CSMD1: variants seen among roughly 807,000 people sequenced by gnomAD.
CSMD1 encodes the protein CUB and sushi domain-containing protein 1.
CSMD1 carries 213 observed loss-of-function variants against 417.5 expected under a neutral mutation model. The ratio of observed to expected loss-of-function variants is 0.51; its 90% CI spans 0.46 to 0.57. The LOEUF is 0.57. Ranked by LOEUF, CSMD1 falls within the 20% of genes least tolerant of loss-of-function variation. CSMD1 has a pLI of 0.00. For synonymous variants in CSMD1, 2,862 were observed against 1,736.8 expected (o/e 1.65, Z -16.11); for missense variants, 6,923 against 4,529.7 (o/e 1.53, Z -15.17).
chr8:3,116,017 C>G (rs1221190041), intron 42 of CSMD1, among the ~76,000 whole-genome samples: 1 of 152,220 alleles, frequency 6.6e-6, no homozygotes. Flanking sequence ...GTGTTTACCG[C>G]TGTCTCTGGG....
intron 41 of CSMD1, among the ~76,000 whole-genome samples, chr8:3,139,045 G>A (rs998123644): frequency 2.6e-5 from 4 of 152,150 alleles, no homozygotes; most frequent in Non-Finnish European, 5.9e-5. Context: ...CAGGAACACT[G>A]CACCTCACAC....
At chr8:3,972,253 T>C (rs1813141068) in intron 5 of CSMD1, among the ~76,000 whole-genome samples, 1 of 152,232 alleles carries the variant, frequency 6.6e-6, no homozygotes, top group Non-Finnish European at 1.5e-5. Flanking sequence ...TAAATAGTAT[T>C]GACCTTGTGT....
chr8:3,282,041 G>T (rs1055802295), intron 26 of CSMD1, among the ~76,000 whole-genome samples: 5 of 152,128 alleles, frequency 3.3e-5, no homozygotes, highest in African/African-American at 1.2e-4. Context: ...AGTTTCCTGA[G>T]GCCCTCCCAG....
rs527384126 is a variant in CSMD1 at position 3,282,676 on chromosome 8, T to C, written c.4153+1468A>G. ...AAAATTTTACCATGTACAAGTACTA[T>C]TCCACAGGCACGTGTTTGCAAATCA... On this transcript the variant is annotated intron_variant, in intron 26 of 69. Coordinates refer to ENST00000635120, the MANE Select transcript of CSMD1 (RefSeq NM_033225.6). Among the ~76,000 whole-genome samples, 3 of 152,306 alleles carry C rather than the reference T, an allele frequency of 2.0e-5. No homozygotes were observed. The South Asian group carries it at 6.2e-4, about 32-fold the overall frequency.
intron 2 of CSMD1, among the ~76,000 whole-genome samples, chr8:4,616,984 G>C (rs1256752942): frequency 1.3e-5 from 2 of 151,818 alleles, no homozygotes; most frequent in Admixed American, 6.6e-5. Flanking sequence ...TTACCTAATA[G>C]ATTCCTTAAT....
At chr8:3,172,632 G>A (rs986857855) in intron 37 of CSMD1, among the ~76,000 whole-genome samples, 1 of 152,092 alleles carries the variant, frequency 6.6e-6, no homozygotes, top group African/African-American at 2.4e-5. Flanking sequence ...GTGCACGTAG[G>A]GAACCTACAG....
chr8:3,258,038 G>T (rs192558897), intron 26 of CSMD1, among the ~76,000 whole-genome samples: 2 of 152,162 alleles, frequency 1.3e-5, no homozygotes, highest in Admixed American at 6.6e-5. Flanking sequence ...ATGGGAGATG[G>T]TGTCGAGTAG....
At chr8:4,845,028 C>T (rs1287690953) in intron 1 of CSMD1, among the ~76,000 whole-genome samples, 2 of 151,536 alleles carry the variant, frequency 1.3e-5, no homozygotes, top group Non-Finnish European at 2.9e-5. Flanking sequence ...ATTTTACATG[C>T]ATATTTACAA....
At chr8:4,635,867 C>T (rs955840950) in intron 2 of CSMD1, among the ~76,000 whole-genome samples, 1 of 151,808 alleles carries the variant, frequency 6.6e-6, no homozygotes, top group African/African-American at 2.4e-5. Context: ...TTACCTGTTT[C>T]AGAAAAGAGA....
intron 1 of CSMD1, among the ~76,000 whole-genome samples, chr8:4,951,218 T>G (rs906212386): frequency 3.3e-5 from 5 of 152,146 alleles, no homozygotes; most frequent in Admixed American, 6.6e-5. Flanking sequence ...ATGGTCCACA[T>G]TAATCCACAA....
chr8:4,046,039 T>C (rs951391436), intron 3 of CSMD1, among the ~76,000 whole-genome samples: 16 of 152,274 alleles, frequency 1.1e-4, no homozygotes, highest in South Asian at 6.2e-4. Context: ...TTAGGACTCA[T>C]GCAGATTAGA....
intron 2 of CSMD1, among the ~76,000 whole-genome samples, chr8:4,509,973 C>G (rs898348462): frequency 2.0e-5 from 3 of 152,148 alleles, no homozygotes; most frequent in Middle Eastern, 3.4e-3. Flanking sequence ...TGTCTCCACC[C>G]AAATCTCATG....
At chr8:4,751,669 A>G (rs2117051639) in intron 1 of CSMD1, among the ~76,000 whole-genome samples, 1 of 152,224 alleles carries the variant, frequency 6.6e-6, no homozygotes, top group East Asian at 1.9e-4. Context: ...TTATTTTAAC[A>G]TTTTTAATGG....
intron 1 of CSMD1, among the ~76,000 whole-genome samples, chr8:4,984,396 G>C (rs564849739): frequency 1.3e-5 from 2 of 152,206 alleles, no homozygotes; most frequent in African/African-American, 4.8e-5. Context: ...GTACGCTTCC[G>C]ATCCGACCTT....
intron 3 of CSMD1, among the ~76,000 whole-genome samples, chr8:4,404,810 G>A (rs945661180): frequency 5.3e-5 from 8 of 152,116 alleles, no homozygotes; most frequent in African/African-American, 1.9e-4. Context: ...TGTTCTATGG[G>A]TACACAGTAA....
In CSMD1 at chr8:3,015,346, G is replaced by A. The variant is rs151216856; in HGVS notation, c.8029+3131C>T. 1.9e-3 allele frequency among the ~76,000 whole-genome samples: 292 copies of A among 152,154 alleles called. 4 individuals carry two copies. Among genetic ancestry groups the A allele is most frequent in the Middle Eastern group, 0.014 (4 of 294 alleles). The stretch of plus-strand genomic sequence containing the variant: ...TTCTTGCAGAAAATCTGGTATAGCT[G>A]TCTCTGTTTGTTTGGGTAATTTCCC... On this transcript the variant is annotated intron_variant, in intron 52 of 69. Coordinates refer to ENST00000635120, the MANE Select transcript of CSMD1 (RefSeq NM_033225.6).
chr8:3,250,653 G>A (rs1047081185), intron 26 of CSMD1, among the ~76,000 whole-genome samples: 4 of 152,172 alleles, frequency 2.6e-5, no homozygotes, highest in African/African-American at 4.8e-5. Flanking sequence ...CACAATCATT[G>A]AACTAGTTTA....
At chr8:3,758,789 C>A (rs1797821604) in intron 5 of CSMD1, among the ~76,000 whole-genome samples, 1 of 152,158 alleles carries the variant, frequency 6.6e-6, no homozygotes, top group African/African-American at 2.4e-5. Flanking sequence ...TGACATGGCT[C>A]ATGAGGACTT....
intron 1 of CSMD1, among the ~76,000 whole-genome samples, chr8:4,876,643 C>T (rs561426701): frequency 6.6e-6 from 1 of 152,126 alleles, no homozygotes; most frequent in African/African-American, 2.4e-5. Context: ...TTAGGAAAAG[C>T]ACAATGCAAT....
Sources: allele counts gnomAD v4.1 joint callset (sites outside exome capture counted in the v4.1 genomes callset), GRCh38; gene constraint gnomAD v4.1.1; transcripts MANE v1.5; gene names NCBI Gene and HGNC (gene_info 2026-07-23, HGNC 2026-07-21).